Variants in MYO18A observed in about 807,000 individuals in gnomAD.
The protein encoded by MYO18A is myosin XVIIIA.
A neutral mutation model predicts 235.8 loss-of-function variants in MYO18A; 78 were observed. The observed-to-expected ratio is 0.33, with a 90% confidence interval of 0.28 to 0.40. MYO18A has a LOEUF of 0.40. Ranked by LOEUF, MYO18A falls within the 10% of genes least tolerant of loss-of-function variation. The pLI is 1.00. For synonymous variants in MYO18A, 977 were observed against 1,077.8 expected (o/e 0.91, Z 1.83); for missense variants, 2,215 against 2,699.3 (o/e 0.82, Z 3.98).
At chr17:29,154,672 G>A (rs2068029583) in intron 2 of MYO18A, among the ~76,000 whole-genome samples, 2 of 152,242 alleles carry the variant, frequency 1.3e-5, no homozygotes, top group African/African-American at 4.8e-5. Flanking sequence ...GAACCTAGGT[G>A]CCTGCTGAGA....
chr17:29,122,146 C>T lies in MYO18A; in HGVS notation c.1087+20G>A. On this transcript the variant is annotated intron_variant, in intron 3 of 41. Transcript: ENST00000527372. ...GACCAGTGAGTCCTGACATGTGCCC[C>T]CAGACCCTCTGAGACTCACCCAGTG... 1 of 1,608,404 alleles carries T rather than the reference C, an allele frequency of 6.2e-7. No individual in the cohort carries two copies. Among genetic ancestry groups the T allele is most frequent in the African/African-American group, 1.3e-5 (1 of 74,960 alleles).
Position 29,072,841 on chromosome 17 carries a change from T to C in MYO18A, c.*1929A>G, listed in dbSNP as rs1202324898. The C allele has an allele frequency of 6.6e-6, 1 of 152,272 alleles. No homozygotes were observed. The highest frequency in any genetic ancestry group is 2.4e-5 in the African/African-American group (1 of 41,464). The allele number at this position is 152,272 out of a possible 1,614,324, so 9.4% of individuals were successfully genotyped here. ...AGGTAGAAGAGGAGGAGGGGTGTCA[T>C]TTGTTTCTTGCCTTTCTGCATGAGC... On this transcript the variant is annotated 3_prime_UTR_variant, in exon 42 of 42. Coordinates refer to ENST00000527372, the MANE Select transcript of MYO18A (RefSeq NM_078471.4).
At position 29,110,616 on chromosome 17, in the gene MYO18A, G is replaced by GATT; in HGVS notation, c.2904_2906dup (p.Ile970dup). The GATT allele has an allele frequency of 6.2e-7, 1 of 1,602,602 alleles. No homozygotes were observed. ...CGCGGCCCAGAAACAGGTTGCTGAT[G>GATT]ATTTTTCTGCCAGAGGTGGGAGGAT... On this transcript the variant is annotated inframe_insertion, in exon 18 of 42. Coordinates refer to ENST00000527372, the MANE Select transcript of MYO18A (RefSeq NM_078471.4).
At position 29,109,854 on chromosome 17, in the gene MYO18A, C is replaced by T. The variant is rs2066884183; in HGVS notation, c.3331+4G>A. On this transcript the variant is annotated splice_donor_region_variant and intron_variant, in intron 19 of 41. Transcript: ENST00000527372. The surrounding 1 kb of genome is among the most constrained non-coding windows in gnomAD (Gnocchi z 4.1). ...CCCAGAGTGGAGAGGAAAGGAGGCCCCACCTTGGCGGTACATGCGCATGGC... is the reference window on the plus strand; with the variant it reads ...CCCAGAGTGGAGAGGAAAGGAGGCCTCACCTTGGCGGTACATGCGCATGGC... The T allele has an allele frequency of 9.7e-6, 15 of 1,551,706 alleles. No homozygotes were observed. Among genetic ancestry groups the T allele is most frequent in the Non-Finnish European group, 1.3e-5 (15 of 1,146,968 alleles).
chr17:29,169,424 G>C (rs567495004), intron 1 of MYO18A, among the ~76,000 whole-genome samples: 1 of 152,102 alleles, frequency 6.6e-6, no homozygotes, highest in African/African-American at 2.4e-5. Context: ...GGCCCAAAAG[G>C]CACACAGCCA....
intron 2 of MYO18A, among the ~76,000 whole-genome samples, chr17:29,130,427 C>A (rs1303410236): frequency 6.8e-6 from 1 of 147,124 alleles, no homozygotes; most frequent in Non-Finnish European, 1.5e-5. Flanking sequence ...GTAGTTTTTG[C>A]AAAAAAAATA....
At chr17:29,083,911 G>T (rs190209850) in intron 40 of MYO18A, among the ~76,000 whole-genome samples, 6 of 152,134 alleles carry the variant, frequency 3.9e-5, no homozygotes, top group Admixed American at 2.6e-4. Flanking sequence ...TGTATGCATC[G>T]CAAAATCTAT....
At chr17:29,104,347 C>G (rs1040716138) in intron 20 of MYO18A, among the ~76,000 whole-genome samples, 1 of 152,082 alleles carries the variant, frequency 6.6e-6, no homozygotes, top group African/African-American at 2.4e-5. Context: ...GGAGACAGAG[C>G]CTTGCTGGAT....
At position 29,071,337 on chromosome 17, in the gene MYO18A, T is replaced by G. The variant is rs551225963; in HGVS notation, c.*3433A>C. Reference sequence around the variant, plus strand: ...TCTTAGGGACCAGAGGTACCATGAGTGTACAGGTAAGGTCAACAGCAGAGC... The same window carrying G: ...TCTTAGGGACCAGAGGTACCATGAGGGTACAGGTAAGGTCAACAGCAGAGC... On this transcript the variant is annotated 3_prime_UTR_variant, in exon 42 of 42. Coordinates refer to ENST00000527372, the MANE Select transcript of MYO18A (RefSeq NM_078471.4). The G allele has an allele frequency of 6.6e-6, 1 of 152,276 alleles. No homozygotes were observed. The highest frequency in any genetic ancestry group is 2.1e-4 in the South Asian group (1 of 4,820). The allele number at this position is 152,276 out of a possible 1,614,324, so 9.4% of individuals were successfully genotyped here.
chr17:29,124,742 C>A, intron 2 of MYO18A: 1 of 1,239,244 alleles, frequency 8.1e-7, no homozygotes, highest in Non-Finnish European at 1.0e-6. Flanking sequence ...ATAAGCAGAC[C>A]ACTGGCACGC....
Position 29,099,680 on chromosome 17 carries a change from G to A in MYO18A, c.3590C>T (p.Ala1197Val). Residue 1197 changes from alanine (A) to valine (V), a missense_variant, in exon 22 of 42, where the codon GCA becomes GTA. Transcript: ENST00000527372. Reference sequence around the variant, plus strand: ...GCGGGCCAGGTAGCCCCTGCAGGCTGCTTGGAACAGGGTTAGGTTCCTGCT... The same window carrying A: ...GCGGGCCAGGTAGCCCCTGCAGGCTACTTGGAACAGGGTTAGGTTCCTGCT... Reference protein sequence around the residue: ...QTSRNLTLFQAACRGYLARQH... With the variant: ...QTSRNLTLFQVACRGYLARQH... 1 of 1,613,794 alleles carries A rather than the reference G, an allele frequency of 6.2e-7. No individual in the cohort carries two copies. The highest frequency in any genetic ancestry group is 8.5e-7 in the Non-Finnish European group (1 of 1,179,872).
rs543172702 is a variant in MYO18A at position 29,149,198 on chromosome 17, G to A, written c.999+16744C>T. Among the ~76,000 whole-genome samples the A allele has an allele frequency of 3.7e-3, 565 of 152,392 alleles. 6 individuals carry two copies. Among genetic ancestry groups the A allele is most frequent in the African/African-American group, 0.013 (541 of 41,596 alleles). ...TCTCGCCGTCCCCAGGACGCGTAGG[G>A]CAAGAAGAGGCAGGGATGAGCTCGG... On this transcript the variant is annotated intron_variant, in intron 2 of 41. Transcript: ENST00000527372.
At chr17:29,080,008 G>T (rs1327300749) in intron 41 of MYO18A, 3 of 986,104 alleles carry the variant, frequency 3.0e-6, no homozygotes, top group South Asian at 4.7e-5. Context: ...GTGCTCTGAG[G>T]AAGCTTCGGA....
intron 2 of MYO18A, among the ~76,000 whole-genome samples, chr17:29,151,936 G>T (rs1176546550): frequency 6.6e-6 from 1 of 152,130 alleles, no homozygotes; most frequent in Non-Finnish European, 1.5e-5. Context: ...AGCAAAGGAG[G>T]AGTAGGAAGG....
intron 20 of MYO18A, among the ~76,000 whole-genome samples, chr17:29,105,890 G>A (rs1252621789): frequency 6.6e-6 from 1 of 152,156 alleles, no homozygotes; most frequent in Admixed American, 6.6e-5. Flanking sequence ...CCCAAAGCAA[G>A]GAGTGCAGAC....
At position 29,110,090 on chromosome 17, in the gene MYO18A, G is replaced by A. The variant is rs942092643; in HGVS notation, c.3099C>T (p.Ile1033=). 4.3e-6 allele frequency: 7 copies of A among 1,610,696 alleles called. No individual in the cohort carries two copies. The highest frequency in any genetic ancestry group is 3.3e-5 in the South Asian group (3 of 91,048). ...GCAGCTTTGACTTCTTGATGGTGTC[G>A]ATGAGGGCGTCCTGCCGAGGGGAAG... The part of the protein sequence containing the change: ...IQMKLQVDAL[I]DTIKKSKLHF... Residue 1033 remains isoleucine, a synonymous_variant, in exon 19 of 42, where the codon ATC becomes ATT. Coordinates refer to ENST00000527372, the MANE Select transcript of MYO18A (RefSeq NM_078471.4).
intron 20 of MYO18A, 100 bp from the exon 21 acceptor site, chr17:29,103,764 A>G (rs1057217078): frequency 1.7e-6 from 2 of 1,158,696 alleles, no homozygotes; most frequent in African/African-American, 3.0e-5. Flanking sequence ...CCTCCTAGAC[A>G]GTCTGTTATT....
At chr17:29,136,139 G>A (rs2067591282) in intron 2 of MYO18A, among the ~76,000 whole-genome samples, 2 of 151,666 alleles carry the variant, frequency 1.3e-5, no homozygotes, top group Admixed American at 1.3e-4. Flanking sequence ...TGAGGTGGGA[G>A]GATCGCTTGA....
At chr17:29,075,562 C>T (rs2065953890) in intron 41 of MYO18A, 1 of 166,812 alleles carries the variant, frequency 6.0e-6, no homozygotes. Flanking sequence ...GGGGAAAAGC[C>T]CCTTTCTTGG....
Sources: allele counts gnomAD v4.1 joint callset (sites outside exome capture counted in the v4.1 genomes callset), GRCh38; gene constraint gnomAD v4.1.1; non-coding constraint Gnocchi (gnomAD v3.1); transcripts MANE v1.5; gene names NCBI Gene and HGNC (gene_info 2026-07-23, HGNC 2026-07-21).